Variants in TUBA3C observed in about 807,000 individuals in gnomAD.
The protein encoded by TUBA3C is tubulin alpha 3c, also known as tubulin alpha-3C chain.
In TUBA3C, 23 loss-of-function variants were observed where a neutral mutation model predicts 33.4. The ratio of observed to expected loss-of-function variants is 0.69; its 90% CI spans 0.50 to 0.98. The LOEUF is 0.98. Among genes scored for constraint, TUBA3C ranks in the 50% least tolerant of loss-of-function variants. The probability of loss-of-function intolerance (pLI) is 0.00; values close to 1 mark genes in which losing one functional copy is unlikely to be tolerated. For missense variants in TUBA3C, 402 were observed against 616.0 expected (o/e 0.65, Z 3.68); for synonymous variants, 269 against 250.4 (o/e 1.07, Z -0.70).
intron 1 of TUBA3C, among the ~76,000 whole-genome samples, chr13:19,180,466 T>C (rs1288311164): frequency 6.6e-6 from 1 of 151,974 alleles, no homozygotes; most frequent in Non-Finnish European, 1.5e-5. Flanking sequence ...CTGAGATCGC[T>C]TGGGACCAGT....
At chr13:19,174,259 A>G (rs1411767955) in intron 4 of TUBA3C, 100 bp from the exon 5 acceptor site, 1 of 1,444,676 alleles carries the variant, frequency 6.9e-7, no homozygotes, top group Non-Finnish European at 9.2e-7. Flanking sequence ...GGTGAACAGG[A>G]GAATTCTCAG....
intron 3 of TUBA3C, 140 bp downstream of exon 3, chr13:19,178,106 A>C (rs1869266144): frequency 7.3e-7 from 1 of 1,376,152 alleles, no homozygotes; most frequent in Non-Finnish European, 9.9e-7. Flanking sequence ...TTGGCCTCCC[A>C]AAGTGTTGGG....
At chr13:19,180,567 TCTC>T (rs1869366839) in intron 1 of TUBA3C, among the ~76,000 whole-genome samples, 1 of 150,988 alleles carries the variant, frequency 6.6e-6, no homozygotes, top group Non-Finnish European at 1.5e-5. Context: ...AGTGGCACAA[TCTC>T]AGCTCACTGC....
chr13:19,176,782 C>T, intron 4 of TUBA3C, 145 bp downstream of exon 4: 2 of 326,270 alleles, frequency 6.1e-6, no homozygotes, highest in East Asian at 1.6e-4. Flanking sequence ...TTAATGATCA[C>T]TCTGGTTCAC....
Position 19,176,982 on chromosome 13 carries a change from G to C in TUBA3C, c.1001C>G (p.Thr334Ser). 1 of 1,614,044 alleles carries C rather than the reference G, an allele frequency of 6.2e-7. No homozygotes were observed. The highest frequency in any genetic ancestry group is 8.5e-7 in the Non-Finnish European group (1 of 1,180,006). Residue 334 changes from threonine (T) to serine (S), a missense_variant, in exon 4 of 5, where the codon ACC becomes AGC. Coordinates refer to ENST00000400113, the MANE Select transcript of TUBA3C (RefSeq NM_006001.3). ...CTGGATGGTGCGCTTGGTCTTGATG[G>C]TGGCGATGGCCGCGTTGACATCTTT... Reference protein sequence around the residue: ...VPKDVNAAIATIKTKRTIQFV... With the variant: ...VPKDVNAAIASIKTKRTIQFV...
rs539362521 is a variant in TUBA3C, at chr13:19,180,376, G to A, written c.4-813C>T. Among the ~76,000 whole-genome samples, 446 of 53,840 alleles carry A rather than the reference G, an allele frequency of 8.3e-3. 11 individuals carry two copies. The highest frequency in any genetic ancestry group is 0.02 in the South Asian group (48 of 2,344). 35.3% of individuals were successfully genotyped at this position (53,840 alleles called of 152,430 possible). A position where few individuals can be genotyped will look rare whatever the true frequency, so the allele number is the denominator to read the frequency against. On this transcript the variant is annotated intron_variant, in intron 1 of 4. Coordinates refer to ENST00000400113, the MANE Select transcript of TUBA3C (RefSeq NM_006001.3). ...GTCATCAGTGCTGGGACACTGCACT[G>A]TCCTTGGTGGTTTCTTTAAGCCCTG... is the stretch of plus-strand genomic sequence containing the variant.
rs199622058 is a variant in TUBA3C, at chr13:19,181,767, G to T, written c.-20C>A. On this transcript the variant is annotated 5_prime_UTR_variant, in exon 1 of 5. Transcript: ENST00000400113. ...TACCATGTTGAGCTCCTCCGCTGCCGCAGCCCAACGCTACTACTTGACCTC... is the reference window on the plus strand; with the variant it reads ...TACCATGTTGAGCTCCTCCGCTGCCTCAGCCCAACGCTACTACTTGACCTC... The T allele has an allele frequency of 1.2e-6, 2 of 1,601,802 alleles. No individual in the cohort carries two copies. Among genetic ancestry groups the T allele is most frequent in the African/African-American group, 2.7e-5 (2 of 75,046 alleles).
Position 19,178,255 on chromosome 13 carries a change from G to A in TUBA3C, c.366C>T (p.Ile122=). 6.2e-7 allele frequency: 1 copy of A among 1,614,152 alleles called. No homozygotes were observed. Among genetic ancestry groups the A allele is most frequent in the Non-Finnish European group, 8.5e-7 (1 of 1,180,020 alleles). The part of the protein sequence containing the change: ...KEIVDLVLDR[I]RKLADLCTGL... ...AGCCTTCTCTTCTTACCAGTTTGCG[G>A]ATCCGGTCCAGGACCAGGTCGACGA... Residue 122 remains isoleucine, a synonymous_variant, in exon 3 of 5, where the codon ATC becomes ATT. Transcript: ENST00000400113.
At position 19,173,948 on chromosome 13, in the gene TUBA3C, T is replaced by G. The variant is rs1593259496; in HGVS notation, c.1268A>C (p.Glu423Ala). Reference sequence around the variant, plus strand: ...ATCCTTCTCCAGAGCTGCCAGGTCCTCGCGGGCCTCAGAGAACTCCCCCTC... The same window carrying G: ...ATCCTTCTCCAGAGCTGCCAGGTCCGCGCGGGCCTCAGAGAACTCCCCCTC... The part of the protein sequence containing the change: ...MEEGEFSEAR[E>A]DLAALEKDYE... Residue 423 changes from glutamate (E) to alanine (A), a missense_variant, in exon 5 of 5, where the codon GAG becomes GCG. By Grantham distance (107) the Glu-to-Ala change is moderately radical. Transcript: ENST00000400113. The G allele has an allele frequency of 6.2e-7, 1 of 1,614,036 alleles. No individual in the cohort carries two copies. The highest frequency in any genetic ancestry group is 2.2e-5 in the East Asian group (1 of 44,774).
chr13:19,177,260 G>C lies in TUBA3C; in HGVS notation c.723C>G (p.Ser241=). 1 of 1,614,162 alleles carries C rather than the reference G, an allele frequency of 6.2e-7. No homozygotes were observed. The highest frequency in any genetic ancestry group is 8.5e-7 in the Non-Finnish European group (1 of 1,180,046). The change falls in exon 4 of 5, where the codon TCC becomes TCG. Residue 241 remains serine (S), a synonymous_variant. Coordinates refer to ENST00000400113, the MANE Select transcript of TUBA3C (RefSeq NM_006001.3). The surrounding 1 kb of genome is among the most constrained non-coding windows in gnomAD (Gnocchi z 5.0). ...IGQIVSSITA[S]LRFDGALNVD... ...CATTCAGGGCCCCGTCAAATCGCAG[G>C]GAGGCCGTGATGGAGGACACGATCT...
intron 1 of TUBA3C, among the ~76,000 whole-genome samples, chr13:19,181,220 T>C (rs894708776): frequency 2.6e-5 from 4 of 151,816 alleles, no homozygotes; most frequent in Non-Finnish European, 5.9e-5. Context: ...CCCGGGAATT[T>C]TTCTATTTTT....
In TUBA3C at chr13:19,173,951, CG is replaced by C. The variant is rs753608619; in HGVS notation, c.1264del (p.Arg422AlafsTer58). 3.7e-4 allele frequency: 592 copies of C among 1,609,402 alleles called. No individual in the cohort carries two copies. The highest frequency in any genetic ancestry group is 5.9e-5 in the Non-Finnish European group (69 of 1,178,190). ...GMEEGEFSEA[R>X]EDLAALEKDY... The stretch of plus-strand genomic sequence containing the variant: ...CTTCTCCAGAGCTGCCAGGTCCTCG[CG>C]GGCCTCAGAGAACTCCCCCTCCTCC... On this transcript the variant is annotated frameshift_variant, in exon 5 of 5. Coordinates refer to ENST00000400113, the MANE Select transcript of TUBA3C (RefSeq NM_006001.3). LOFTEE classifies it high-confidence loss of function.
At chr13:19,175,308 G>T (rs376993771) in intron 4 of TUBA3C, among the ~76,000 whole-genome samples, 1 of 152,264 alleles carries the variant, frequency 6.6e-6, no homozygotes, top group African/African-American at 2.4e-5. Flanking sequence ...TTTCTTTTCC[G>T]GGAAGCCTAG....
rs771091117 is a variant in TUBA3C at position 19,177,654 on chromosome 13, C to G, written c.376-47G>C. On this transcript the variant is annotated intron_variant, in intron 3 of 4. Transcript: ENST00000400113. This position sits in a 1 kb window ranked among gnomAD's most constrained non-coding sequence, Gnocchi z 5.0. Reference sequence around the variant, plus strand: ...GAATCAATGCCCGTGGAAGCCACACCACCAACCTCCACCAAGCCAGGGCCA... The same window carrying G: ...GAATCAATGCCCGTGGAAGCCACACGACCAACCTCCACCAAGCCAGGGCCA... The G allele has an allele frequency of 2.6e-6, 4 of 1,525,656 alleles. No homozygotes were observed. In the African/African-American group the frequency reaches 5.6e-5, roughly 21 times the overall value. 94.5% of individuals were successfully genotyped at this position (1,525,656 alleles called of 1,614,324 possible).
At chr13:19,180,939 C>T (rs1869391898) in intron 1 of TUBA3C, among the ~76,000 whole-genome samples, 2 of 137,776 alleles carry the variant, frequency 1.5e-5, no homozygotes, top group South Asian at 4.6e-4. Flanking sequence ...GCCTGGGCAA[C>T]AGAGCTGTTG....
rs1403519529 is a variant in TUBA3C, at chr13:19,177,880, T to G, written c.376-273A>C. 1.4e-5 allele frequency among the ~76,000 whole-genome samples: 2 copies of G among 142,752 alleles called. No individual in the cohort carries two copies. The highest frequency in any genetic ancestry group is 3.0e-5 in the Non-Finnish European group (2 of 66,144). 93.7% of individuals were successfully genotyped at this position (142,752 alleles called of 152,430 possible). On this transcript the variant is annotated intron_variant, in intron 3 of 4. Transcript: ENST00000400113. The surrounding 1 kb of genome is among the most constrained non-coding windows in gnomAD (Gnocchi z 5.0). ...TTTTTTTTTTTAGATAGAATCTCAC[T>G]CTGTTGCCCAGGCCGGAGGGCAGTG...
At chr13:19,180,716 C>G (rs184587574) in intron 1 of TUBA3C, among the ~76,000 whole-genome samples, 112 of 152,068 alleles carry the variant, frequency 7.4e-4, no homozygotes, top group African/African-American at 2.6e-3. Context: ...AGGATGGTCT[C>G]GATCTCCTGA....
chr13:19,178,438 C>A lies in TUBA3C; in HGVS notation c.227-44G>T. ...GTACTGTGAATCTTTAAGGCCTATA[C>A]TCACCAAGATGGACACATTCCAGGA... On this transcript the variant is annotated intron_variant, in intron 2 of 4. Transcript: ENST00000400113. 3 of 1,607,642 alleles carry A rather than the reference C, an allele frequency of 1.9e-6. No homozygotes were observed. The South Asian group carries it at 3.3e-5, about 18-fold the overall frequency.
At chr13:19,180,152 C>T (rs562087944) in intron 1 of TUBA3C, among the ~76,000 whole-genome samples, 1 of 152,166 alleles carries the variant, frequency 6.6e-6, no homozygotes, top group African/African-American at 2.4e-5. Context: ...CCGCAGGAGA[C>T]CAGGAGGCTG....
Sources: allele counts gnomAD v4.1 joint callset (sites outside exome capture counted in the v4.1 genomes callset), GRCh38; gene constraint gnomAD v4.1.1; non-coding constraint Gnocchi (gnomAD v3.1); transcripts MANE v1.5; gene names NCBI Gene and HGNC (gene_info 2026-07-23, HGNC 2026-07-21).